Variants in MAPK10 observed in about 807,000 individuals in gnomAD.
MAPK10 encodes the protein mitogen-activated protein kinase 10, also known as JNK3 alpha protein kinase.
In MAPK10, 25 loss-of-function variants were observed where a neutral mutation model predicts 59.3. That is an observed-to-expected ratio of 0.42 (90% CI 0.31 to 0.59). The LOEUF (loss-of-function observed/expected upper bound fraction) is 0.59, where lower values mean the gene tolerates loss of function less well. Ranked by LOEUF, MAPK10 falls within the 20% of genes least tolerant of loss-of-function variation. MAPK10 has a pLI of 0.15. For synonymous variants in MAPK10, 190 were observed against 200.5 expected (o/e 0.95, Z 0.44); for missense variants, 351 against 568.9 (o/e 0.62, Z 3.90).
intron 4 of MAPK10, among the ~76,000 whole-genome samples, chr4:86,154,179 AC>A: frequency 1.3e-5 from 2 of 151,814 alleles, no homozygotes; most frequent in Middle Eastern, 3.4e-3. Flanking sequence ...GCTTTGGAAA[AC>A]CTCTGGATGA....
chr4:86,462,789 C>T (rs1206688247), intron 1 of MAPK10, among the ~76,000 whole-genome samples: 2 of 152,038 alleles, frequency 1.3e-5, no homozygotes, highest in Non-Finnish European at 2.9e-5. Flanking sequence ...TTATATAGCC[C>T]TCAAAGTCAA....
intron 11 of MAPK10, among the ~76,000 whole-genome samples, chr4:86,050,693 A>C (rs2043342330): frequency 6.6e-6 from 1 of 152,134 alleles, no homozygotes; most frequent in Admixed American, 6.6e-5. Flanking sequence ...CCTACCTGTG[A>C]CTATGCATGT....
intron 1 of MAPK10, among the ~76,000 whole-genome samples, chr4:86,460,976 C>G (rs140800095): frequency 6.6e-6 from 1 of 152,278 alleles, no homozygotes; most frequent in Non-Finnish European, 1.5e-5. Context: ...GTGTGTGTGT[C>G]TTTAATTCCT....
chr4:86,513,500 C>A (rs971642158), intron 1 of MAPK10, among the ~76,000 whole-genome samples: 1 of 152,174 alleles, frequency 6.6e-6, no homozygotes, highest in Non-Finnish European at 1.5e-5. Flanking sequence ...ATGTCTGTAG[C>A]TATTGCTAAT....
intron 2 of MAPK10, among the ~76,000 whole-genome samples, chr4:86,269,851 G>A (rs1458115956): frequency 2.6e-5 from 4 of 152,030 alleles, no homozygotes; most frequent in African/African-American, 9.7e-5. Context: ...TAATAGCAAG[G>A]TTCCTGTATA....
chr4:86,136,227 T>C (rs1254486915), intron 4 of MAPK10, among the ~76,000 whole-genome samples: 2 of 151,804 alleles, frequency 1.3e-5, no homozygotes, highest in African/African-American at 4.8e-5. Context: ...CCAAAACACA[T>C]AATTGTCAGA....
At chr4:86,208,702 G>C (rs28694187) in intron 2 of MAPK10, among the ~76,000 whole-genome samples, 48,500 of 150,910 alleles carry the variant, frequency 0.32, 10,784 homozygotes, top group African/African-American at 0.63. Context: ...CCCTCTCTCA[G>C]CACTCCTATT....
intron 1 of MAPK10, among the ~76,000 whole-genome samples, chr4:86,366,466 A>G (rs1051573393): frequency 6.6e-6 from 1 of 152,130 alleles, no homozygotes; most frequent in Admixed American, 6.6e-5. Context: ...TTGCTGAATG[A>G]GCCAATAAGT....
chr4:86,371,971 A>C (rs1341676085), intron 1 of MAPK10, among the ~76,000 whole-genome samples: 1 of 152,176 alleles, frequency 6.6e-6, no homozygotes, highest in Non-Finnish European at 1.5e-5. Flanking sequence ...TAGACAGATC[A>C]ATGAGACAGA....
chr4:86,460,669 C>T (rs1751654120), intron 1 of MAPK10, among the ~76,000 whole-genome samples: 1 of 152,196 alleles, frequency 6.6e-6, no homozygotes, highest in Non-Finnish European at 1.5e-5. Flanking sequence ...GCAAGCAACA[C>T]CTGGCCCACC....
chr4:86,588,688 T>A (rs1383693057), intron 1 of MAPK10, among the ~76,000 whole-genome samples: 2 of 152,200 alleles, frequency 1.3e-5, no homozygotes, highest in Non-Finnish European at 2.9e-5. Flanking sequence ...GATACAAACA[T>A]AAATTGTGAA....
intron 1 of MAPK10, chr4:86,357,609 C>T (rs1157804723): frequency 6.6e-6 from 1 of 152,056 alleles, no homozygotes; most frequent in Non-Finnish European, 1.5e-5. Context: ...TACTATGAAA[C>T]CATTAAATAC....
chr4:86,025,800 A>C (rs904791817), intron 13 of MAPK10, among the ~76,000 whole-genome samples: 1 of 152,196 alleles, frequency 6.6e-6, no homozygotes, highest in African/African-American at 2.4e-5. Flanking sequence ...AAGTTATTCA[A>C]CCAAAAAACA....
At chr4:86,400,011 C>T (rs11935348) in intron 1 of MAPK10, among the ~76,000 whole-genome samples, 1,704 of 152,072 alleles carry the variant, frequency 0.011, 29 homozygotes, top group African/African-American at 0.038. Flanking sequence ...AACATGATGC[C>T]GCTGAAGCTT....
intron 4 of MAPK10, among the ~76,000 whole-genome samples, chr4:86,154,667 A>G (rs115901263): frequency 4.0e-3 from 612 of 152,242 alleles, no homozygotes; most frequent in Non-Finnish European, 7.2e-3. Context: ...CCTGAGTCCT[A>G]TGAGAAAATC....
chr4:86,072,217 G>T (rs2048180093), intron 9 of MAPK10, among the ~76,000 whole-genome samples: 1 of 150,480 alleles, frequency 6.6e-6, no homozygotes, highest in Non-Finnish European at 1.5e-5. Flanking sequence ...GTATAAGAAT[G>T]CTTGTGATTT....
intron 1 of MAPK10, among the ~76,000 whole-genome samples, chr4:86,556,892 A>G (rs980827296): frequency 1.3e-5 from 2 of 152,096 alleles, no homozygotes; most frequent in Admixed American, 1.3e-4. Flanking sequence ...TGTCCTTACA[A>G]TTCCATGCTC....
At chr4:86,212,984 G>T (rs1045402932) in intron 2 of MAPK10, among the ~76,000 whole-genome samples, 7 of 152,110 alleles carry the variant, frequency 4.6e-5, no homozygotes, top group Non-Finnish European at 1.0e-4. Flanking sequence ...GTTAGTCCAA[G>T]ATATAATACA....
chr4:86,149,386 C>A (rs934664985), intron 4 of MAPK10, among the ~76,000 whole-genome samples: 1 of 152,184 alleles, frequency 6.6e-6, no homozygotes, highest in African/African-American at 2.4e-5. Context: ...CCCGCCTCAG[C>A]CCCACAAGTA....
Sources: allele counts gnomAD v4.1 joint callset (sites outside exome capture counted in the v4.1 genomes callset), GRCh38; gene constraint gnomAD v4.1.1; transcripts MANE v1.5; gene names NCBI Gene and HGNC (gene_info 2026-07-23, HGNC 2026-07-21).